JAM2: variants seen among roughly 807,000 people sequenced by gnomAD.
JAM2 encodes the protein junctional adhesion molecule 2.
In JAM2, 17 loss-of-function variants were observed where a neutral mutation model predicts 42.0. The ratio of observed to expected loss-of-function variants is 0.40; its 90% CI spans 0.28 to 0.61. JAM2 has a LOEUF of 0.61. Among genes scored for constraint, JAM2 ranks in the 20% least tolerant of loss-of-function variants. The pLI is 0.37. For synonymous variants in JAM2, 118 were observed against 128.6 expected (o/e 0.92, Z 0.56); for missense variants, 319 against 358.3 (o/e 0.89, Z 0.89).
chr21:25,690,288 CTTTA>C (rs2033849335), intron 3 of JAM2, among the ~76,000 whole-genome samples: 1 of 150,448 alleles, frequency 6.6e-6, no homozygotes, highest in African/African-American at 2.4e-5. Flanking sequence ...CTTTCTTTCT[CTTTA>C]TTTCTTTCTT....
chr21:25,652,088 A>G (rs1318247391), intron 1 of JAM2, among the ~76,000 whole-genome samples: 1 of 152,244 alleles, frequency 6.6e-6, no homozygotes, highest in Non-Finnish European at 1.5e-5. Flanking sequence ...ACAAATGGAA[A>G]TAAATGAACT....
At chr21:25,713,423 T>C (rs781483428) in intron 9 of JAM2, among the ~76,000 whole-genome samples, 1 of 152,108 alleles carries the variant, frequency 6.6e-6, no homozygotes, top group Non-Finnish European at 1.5e-5. Flanking sequence ...CTCAGGAATA[T>C]AGTGGGTTGG....
At chr21:25,701,385 C>G (rs2034160375) in intron 5 of JAM2, among the ~76,000 whole-genome samples, 2 of 151,616 alleles carry the variant, frequency 1.3e-5, no homozygotes, top group South Asian at 4.2e-4. Context: ...TTCTTCTTTC[C>G]TTCCTTCCTT....
At chr21:25,691,897 T>G (rs1195005857) in intron 3 of JAM2, among the ~76,000 whole-genome samples, 1 of 151,572 alleles carries the variant, frequency 6.6e-6, no homozygotes, top group Non-Finnish European at 1.5e-5. Context: ...AGTGTGGTGG[T>G]GCATATCTGT....
At chr21:25,662,709 TTAAGTA>T (rs2033120688) in intron 1 of JAM2, among the ~76,000 whole-genome samples, 1 of 152,130 alleles carries the variant, frequency 6.6e-6, no homozygotes, top group Non-Finnish European at 1.5e-5. Context: ...AATACTATAT[TTAAGTA>T]TATTTTATAT....
intron 4 of JAM2, among the ~76,000 whole-genome samples, chr21:25,695,510 G>C (rs971654436): frequency 6.6e-6 from 1 of 152,052 alleles, no homozygotes; most frequent in South Asian, 2.1e-4. Flanking sequence ...CAGACGGGGC[G>C]GCCGCGGGGC....
intron 1 of JAM2, among the ~76,000 whole-genome samples, chr21:25,669,327 G>A (rs187134303): frequency 1.3e-5 from 2 of 151,516 alleles, no homozygotes; most frequent in East Asian, 3.9e-4. Context: ...ACCCATGATT[G>A]CGCGCCTGCA....
At chr21:25,660,782 ATTTT>A (rs869192568) in intron 1 of JAM2, among the ~76,000 whole-genome samples, 7 of 41,306 alleles carry the variant, frequency 1.7e-4, no homozygotes, top group African/African-American at 1.2e-3. Flanking sequence ...ATATATATAT[ATTTT>A]TTTTTTTTTT....
chr21:25,703,429 T>C (rs911992167), intron 6 of JAM2, among the ~76,000 whole-genome samples: 4 of 152,232 alleles, frequency 2.6e-5, no homozygotes, highest in Non-Finnish European at 2.9e-5. Context: ...GCTTAAAAGT[T>C]AAAATTAGTT....
Position 25,714,938 on chromosome 21 carries a change from A to G in JAM2, c.*266A>G, listed in dbSNP as rs1491000085. 3.2e-6 allele frequency: 1 copy of G among 308,148 alleles called. No individual in the cohort carries two copies. The allele number at this position is 308,148 out of a possible 1,614,324, so 19.1% of individuals were successfully genotyped here. A position where few individuals can be genotyped will look rare whatever the true frequency, so the allele number is the denominator to read the frequency against. On this transcript the variant is annotated 3_prime_UTR_variant, in exon 10 of 10. Coordinates refer to ENST00000480456, the MANE Select transcript of JAM2 (RefSeq NM_021219.4). Reference sequence around the variant, plus strand: ...TTTGTAATGTCCTGGGCTTTGGGAAATGTTAACCACGTCCTAACTTCTAGA... The same window carrying G: ...TTTGTAATGTCCTGGGCTTTGGGAAGTGTTAACCACGTCCTAACTTCTAGA...
At chr21:25,679,251 A>ATT (rs2033571832) in intron 1 of JAM2, among the ~76,000 whole-genome samples, 1 of 152,230 alleles carries the variant, frequency 6.6e-6, no homozygotes, top group South Asian at 2.1e-4. Flanking sequence ...CATATGAAAG[A>ATT]TTTCTCTCTC....
At chr21:25,672,740 CTTG>C (rs2033390782) in intron 1 of JAM2, among the ~76,000 whole-genome samples, 1 of 152,160 alleles carries the variant, frequency 6.6e-6, no homozygotes, top group Non-Finnish European at 1.5e-5. Context: ...GGCACCCAGG[CTTG>C]TTGTTCTTTC....
At chr21:25,662,940 C>T (rs1279049676) in intron 1 of JAM2, among the ~76,000 whole-genome samples, 1 of 152,120 alleles carries the variant, frequency 6.6e-6, no homozygotes, top group Non-Finnish European at 1.5e-5. Flanking sequence ...GTAAAACATC[C>T]TAATTTTTTA....
At chr21:25,661,086 T>G (rs1222588554) in intron 1 of JAM2, among the ~76,000 whole-genome samples, 1 of 151,962 alleles carries the variant, frequency 6.6e-6, no homozygotes, top group Non-Finnish European at 1.5e-5. Flanking sequence ...CCACTGCGTC[T>G]GGCCAATAAC....
chr21:25,645,248 A>G (rs2032574105), intron 1 of JAM2, among the ~76,000 whole-genome samples: 1 of 152,188 alleles, frequency 6.6e-6, no homozygotes. Flanking sequence ...ATGCACTCCA[A>G]TGCAGCACTC....
At chr21:25,650,698 A>G (rs1315577975) in intron 1 of JAM2, among the ~76,000 whole-genome samples, 1 of 152,246 alleles carries the variant, frequency 6.6e-6, no homozygotes, top group Non-Finnish European at 1.5e-5. Context: ...TGGAGAATTA[A>G]TAATACACTA....
At chr21:25,700,845 C>T (rs2034151010) in intron 5 of JAM2, among the ~76,000 whole-genome samples, 1 of 152,258 alleles carries the variant, frequency 6.6e-6, no homozygotes, top group Non-Finnish European at 1.5e-5. Context: ...CAGGCGCAGT[C>T]AGCAGGTCTG....
At chr21:25,678,430 G>T (rs902749687) in intron 1 of JAM2, among the ~76,000 whole-genome samples, 1 of 152,170 alleles carries the variant, frequency 6.6e-6, no homozygotes, top group Non-Finnish European at 1.5e-5. Flanking sequence ...TGCAGGAGAA[G>T]AAAGGGATAT....
intron 1 of JAM2, among the ~76,000 whole-genome samples, chr21:25,672,486 A>T (rs2033384228): frequency 6.6e-6 from 1 of 152,230 alleles, no homozygotes; most frequent in South Asian, 2.1e-4. Context: ...CTTAAAAATG[A>T]TTTATTTGAC....
Sources: allele counts gnomAD v4.1 joint callset (sites outside exome capture counted in the v4.1 genomes callset), GRCh38; gene constraint gnomAD v4.1.1; transcripts MANE v1.5; gene names NCBI Gene and HGNC (gene_info 2026-07-23, HGNC 2026-07-21).